CCDC117: variants seen among roughly 807,000 people sequenced by gnomAD.
CCDC117 encodes the protein coiled-coil domain-containing protein 117.
CCDC117 carries 1 observed loss-of-function variant against 23.5 expected under a neutral mutation model. The ratio of observed to expected loss-of-function variants is 0.04; its 90% CI spans 0.02 to 0.20. The LOEUF (loss-of-function observed/expected upper bound fraction) is 0.20. CCDC117 is among the 10% of genes least tolerant of loss of function. The pLI is 1.00. For missense variants in CCDC117, 383 were observed against 348.2 expected (o/e 1.10, Z -0.80); for synonymous variants, 132 against 124.8 (o/e 1.06, Z -0.39).
intron 2 of CCDC117, among the ~76,000 whole-genome samples, chr22:28,774,494 C>G (rs1169500242): frequency 6.6e-6 from 1 of 151,362 alleles, no homozygotes. Flanking sequence ...GCTTCAGCCT[C>G]CTGAACAGCT....
At position 28,787,857 on chromosome 22, in the gene CCDC117, A is replaced by T. The variant is rs2031563619; in HGVS notation, c.*1531A>T. On this transcript the variant is annotated 3_prime_UTR_variant, in exon 5 of 5. Coordinates refer to ENST00000249064, the MANE Select transcript of CCDC117 (RefSeq NM_173510.4). ...TCTGGGTTTCTTCCCCCTTTGTAGG[A>T]ATCAGATACCTTTTGTAGAAAAAAA... 6.6e-6 allele frequency: 1 copy of T among 152,434 alleles called. No individual in the cohort carries two copies. The highest frequency in any genetic ancestry group is 1.5e-5 in the Non-Finnish European group (1 of 68,024). 9.4% of individuals were successfully genotyped at this position (152,434 alleles called of 1,614,324 possible). A position where few individuals can be genotyped will look rare whatever the true frequency, so the allele number is the denominator to read the frequency against.
At chr22:28,785,573 A>G (rs1057249241) in intron 4 of CCDC117, among the ~76,000 whole-genome samples, 4 of 152,156 alleles carry the variant, frequency 2.6e-5, no homozygotes, top group African/African-American at 9.7e-5. Flanking sequence ...TTCATTTATA[A>G]TGATTTAGTA....
chr22:28,782,714 G>A (rs1406412994), intron 3 of CCDC117, among the ~76,000 whole-genome samples: 1 of 152,178 alleles, frequency 6.6e-6, no homozygotes, highest in Non-Finnish European at 1.5e-5. Context: ...TGGGATTACA[G>A]GCATGAGCCA....
chr22:28,783,195 C>T (rs2031405095), intron 3 of CCDC117, among the ~76,000 whole-genome samples: 1 of 152,008 alleles, frequency 6.6e-6, no homozygotes, highest in African/African-American at 2.4e-5. Flanking sequence ...CATGTGTCAC[C>T]ACACCCGACA....
rs190673852 is a variant in CCDC117, at chr22:28,776,426, T to A, written c.239+2648T>A. Among the ~76,000 whole-genome samples, 46 of 151,498 alleles carry A rather than the reference T, an allele frequency of 3.0e-4. 1 individual carries two copies. Among genetic ancestry groups the A allele is most frequent in the Admixed American group, 2.8e-3 (43 of 15,186 alleles). Reference sequence around the variant, plus strand: ...GGATGCTGGCAGTATTGTATATCTTTTCTTTTTTTTTTTTTCCCTGGAGTT... The same window carrying A: ...GGATGCTGGCAGTATTGTATATCTTATCTTTTTTTTTTTTTCCCTGGAGTT... On this transcript the variant is annotated intron_variant, in intron 2 of 4. Transcript: ENST00000249064.
intron 2 of CCDC117, among the ~76,000 whole-genome samples, chr22:28,778,009 C>A (rs1273339478): frequency 1.3e-5 from 2 of 151,896 alleles, no homozygotes; most frequent in Non-Finnish European, 2.9e-5. Flanking sequence ...CCACGCCCGG[C>A]AAATTTTTTG....
At position 28,781,041 on chromosome 22, in the gene CCDC117, T is replaced by A. The variant is rs1437821002; in HGVS notation, c.333T>A (p.His111Gln). 6.2e-7 allele frequency: 1 copy of A among 1,613,824 alleles called. No individual in the cohort carries two copies. The highest frequency in any genetic ancestry group is 2.2e-5 in the East Asian group (1 of 44,886). ...ILCAHQDVEG[H>Q]GVNPSVSGLS... ...GTGCACATCAGGATGTAGAGGGGCA[T>A]GGAGTAAATCCCAGTGTTAGTGGCC... The change falls in exon 3 of 5, where the codon CAT becomes CAA. Residue 111 changes from histidine (H) to glutamine (Q), a missense_variant. Transcript: ENST00000249064.
chr22:28,776,403 A>T (rs2031161792), intron 2 of CCDC117, among the ~76,000 whole-genome samples: 1 of 151,698 alleles, frequency 6.6e-6, no homozygotes, highest in South Asian at 2.1e-4. Context: ...CCATTTTGGG[A>T]TGCTGGCAGT....
At chr22:28,778,602 T>G (rs2031237385) in intron 2 of CCDC117, among the ~76,000 whole-genome samples, 1 of 152,244 alleles carries the variant, frequency 6.6e-6, no homozygotes, top group South Asian at 2.1e-4. Flanking sequence ...TTAGGATTAC[T>G]GTGGATAACA....
At chr22:28,782,103 A>T (rs2031358942) in intron 3 of CCDC117, among the ~76,000 whole-genome samples, 1 of 151,348 alleles carries the variant, frequency 6.6e-6, no homozygotes, top group Non-Finnish European at 1.5e-5. Context: ...ACCCCTGGCT[A>T]ATCTTCGTAT....
chr22:28,782,619 A>G (rs2031383544), intron 3 of CCDC117, among the ~76,000 whole-genome samples: 1 of 151,778 alleles, frequency 6.6e-6, no homozygotes, highest in Non-Finnish European at 1.5e-5. Context: ...TTGTATTTTT[A>G]GTAAAGATGG....
chr22:28,786,512 C>G lies in CCDC117; in HGVS notation c.*186C>G, dbSNP rs5762795. ...ATTGACTTCACCTTTTTGCCAAGGA[C>G]GTTTGTCTCAAGGGAAAAGCAGTTT... On this transcript the variant is annotated 3_prime_UTR_variant, in exon 5 of 5. Coordinates refer to ENST00000249064, the MANE Select transcript of CCDC117 (RefSeq NM_173510.4). The G allele has an allele frequency of 1.8e-6, 1 of 551,570 alleles. No individual in the cohort carries two copies. The highest frequency in any genetic ancestry group is 3.2e-6 in the Non-Finnish European group (1 of 313,522). The allele number at this position is 551,570 out of a possible 1,614,324, so 34.2% of individuals were successfully genotyped here. A position where few individuals can be genotyped will look rare whatever the true frequency, so the allele number is the denominator to read the frequency against.
intron 1 of CCDC117, 93 bp from the exon 2 acceptor site, chr22:28,773,632 G>T (rs763934327): frequency 1.7e-5 from 17 of 1,009,390 alleles, no homozygotes; most frequent in Non-Finnish European, 2.3e-5. Flanking sequence ...TGGTATGTGG[G>T]GATGAGCAAG....
chr22:28,780,490 C>G (rs2031285921), intron 2 of CCDC117, among the ~76,000 whole-genome samples: 1 of 152,012 alleles, frequency 6.6e-6, no homozygotes, highest in African/African-American at 2.4e-5. Context: ...TTCATTCATT[C>G]ATTCATTCAT....
intron 3 of CCDC117, among the ~76,000 whole-genome samples, chr22:28,782,159 C>CA (rs1265288264): frequency 2.7e-5 from 4 of 148,606 alleles, no homozygotes; most frequent in Admixed American, 2.7e-4. Flanking sequence ...GCTGGTCACG[C>CA]ATTCCTGGGC....
rs1055094982 is a variant in CCDC117 at position 28,788,522 on chromosome 22, G to A, written c.*2196G>A. The A allele has an allele frequency of 1.3e-5, 2 of 152,244 alleles. No individual in the cohort carries two copies. Among genetic ancestry groups the A allele is most frequent in the African/African-American group, 4.8e-5 (2 of 41,432 alleles). 9.4% of individuals were successfully genotyped at this position (152,244 alleles called of 1,614,324 possible). ...CCAACACAAGGCTCTGATACTACTG[G>A]TAAATGTAGGAGAGAATTAAGAATC... On this transcript the variant is annotated 3_prime_UTR_variant, in exon 5 of 5. Transcript: ENST00000249064.
intron 2 of CCDC117, among the ~76,000 whole-genome samples, chr22:28,774,045 A>T (rs1569196353): frequency 6.6e-6 from 1 of 151,434 alleles, no homozygotes; most frequent in Non-Finnish European, 1.5e-5. Context: ...AATTTAAAGG[A>T]TACATATTGA....
intron 2 of CCDC117, among the ~76,000 whole-genome samples, chr22:28,774,729 T>C (rs530767526): frequency 6.6e-6 from 1 of 150,442 alleles, no homozygotes; most frequent in African/African-American, 2.5e-5. Flanking sequence ...CCTGTTTTCA[T>C]TGTCTCCTTT....
chr22:28,776,018 C>T (rs1024310804), intron 2 of CCDC117, among the ~76,000 whole-genome samples: 2 of 152,180 alleles, frequency 1.3e-5, no homozygotes, highest in Non-Finnish European at 2.9e-5. Flanking sequence ...GCCACTCTAC[C>T]TCCAGATGTT....
Sources: allele counts gnomAD v4.1 joint callset (sites outside exome capture counted in the v4.1 genomes callset), GRCh38; gene constraint gnomAD v4.1.1; transcripts MANE v1.5; gene names NCBI Gene and HGNC (gene_info 2026-07-23, HGNC 2026-07-21).